HTR1D: variants seen among roughly 807,000 people sequenced by gnomAD.
The protein encoded by HTR1D is 5-HT-1D.
Under a neutral mutation model 21.1 loss-of-function variants are expected in HTR1D, and 18 were observed. The ratio of observed to expected loss-of-function variants is 0.85; its 90% confidence interval spans 0.59 to 1.27. The LOEUF (loss-of-function observed/expected upper bound fraction) is 1.27. HTR1D is among the 50% of genes most tolerant of loss of function. The pLI, the probability that HTR1D is intolerant of heterozygous loss-of-function variation, is 0.00. For synonymous variants in HTR1D, 196 were observed against 204.4 expected (o/e 0.96, Z 0.35); for missense variants, 456 against 481.4 (o/e 0.95, Z 0.49).
chr1:23,206,104 C>T (rs1354859862), intron 1 of HTR1D, among the ~76,000 whole-genome samples: 2 of 151,694 alleles, frequency 1.3e-5, no homozygotes, highest in African/African-American at 2.4e-5. Context: ...TGCAGTGGTG[C>T]GATCTCGGCT....
chr1:23,207,280 G>C (rs559600381), intron 1 of HTR1D, among the ~76,000 whole-genome samples: 1 of 152,042 alleles, frequency 6.6e-6, no homozygotes, highest in Non-Finnish European at 1.5e-5. Context: ...GTGGTGGTAC[G>C]TGCCTGTAGT....
At position 23,193,134 on chromosome 1, in the gene HTR1D, C is replaced by T. The variant is rs56041111; in HGVS notation, c.1086G>A (p.Glu362=). The part of the protein sequence containing the change: ...NPIIYTVFNE[E]FRQAFQKIVP... ...CAATTTTCTGAAAAGCTTGCCGAAA[C>T]TCTTCATTAAACACAGTGTAGATTA... The change falls in exon 2 of 2, where the codon GAG becomes GAA. Residue 362 remains glutamate (E), a synonymous_variant. Transcript: ENST00000374619. 4,240 of 1,611,898 alleles carry T rather than the reference C, an allele frequency of 2.6e-3. 9 individuals carry two copies. Among genetic ancestry groups the T allele is most frequent in the Non-Finnish European group, 3.4e-3 (4,040 of 1,179,294 alleles).
At chr1:23,196,777 G>A (rs767675629) in intron 1 of HTR1D, among the ~76,000 whole-genome samples, 1 of 152,074 alleles carries the variant, frequency 6.6e-6, no homozygotes, top group Non-Finnish European at 1.5e-5. Context: ...CCTGCCCAAG[G>A]CCACCTGGCT....
At chr1:23,204,072 C>T (rs189837762) in intron 1 of HTR1D, among the ~76,000 whole-genome samples, 6 of 152,258 alleles carry the variant, frequency 3.9e-5, no homozygotes, top group East Asian at 1.9e-4. Context: ...GTGAGGCCTC[C>T]GCAGCCATGT....
chr1:23,196,437 T>C (rs1375744076), intron 1 of HTR1D, among the ~76,000 whole-genome samples: 2 of 139,464 alleles, frequency 1.4e-5, no homozygotes, highest in African/African-American at 5.4e-5. Flanking sequence ...AGAGTGAAAC[T>C]CTGCCAAAAA....
At chr1:23,195,570 C>A (rs922078890) in intron 1 of HTR1D, among the ~76,000 whole-genome samples, 1 of 152,132 alleles carries the variant, frequency 6.6e-6, no homozygotes, top group African/African-American at 2.4e-5. Context: ...TCCCAAGTAG[C>A]TGGGACTACA....
chr1:23,214,377 A>C (rs1480340135), intron 1 of HTR1D, among the ~76,000 whole-genome samples: 1 of 152,212 alleles, frequency 6.6e-6, no homozygotes, highest in East Asian at 1.9e-4. Flanking sequence ...CAGTGAGCCC[A>C]GAGTGCACTG....
chr1:23,213,384 G>A (rs12088980), intron 1 of HTR1D, among the ~76,000 whole-genome samples: 7,925 of 152,240 alleles, frequency 0.052, 711 homozygotes, highest in African/African-American at 0.18. Flanking sequence ...GGAGGCTGAG[G>A]CAGGAGAATC....
intron 1 of HTR1D, among the ~76,000 whole-genome samples, chr1:23,208,570 T>A (rs1569765266): frequency 7.5e-6 from 1 of 133,960 alleles, no homozygotes; most frequent in African/African-American, 2.8e-5. Context: ...AAACCCCATC[T>A]CAAAAGAAAA....
chr1:23,207,852 A>G (rs540003494), intron 1 of HTR1D, among the ~76,000 whole-genome samples: 1 of 139,936 alleles, frequency 7.1e-6, no homozygotes, highest in East Asian at 2.3e-4. Flanking sequence ...ACCTCCGCCC[A>G]CCAGGGTCAA....
chr1:23,209,954 C>G (rs1172314361), intron 1 of HTR1D, among the ~76,000 whole-genome samples: 3 of 152,188 alleles, frequency 2.0e-5, no homozygotes, highest in Non-Finnish European at 4.4e-5. Flanking sequence ...CTGGTGACGG[C>G]AGCTTGGCAC....
chr1:23,212,778 G>A (rs1644758675), intron 1 of HTR1D, among the ~76,000 whole-genome samples: 1 of 150,800 alleles, frequency 6.6e-6, no homozygotes, highest in African/African-American at 2.4e-5. Flanking sequence ...TCCCACAGGG[G>A]CTCCAAACTC....
intron 1 of HTR1D, among the ~76,000 whole-genome samples, chr1:23,196,029 C>T (rs664301): frequency 0.35 from 53,378 of 151,654 alleles, 9,898 homozygotes; most frequent in African/African-American, 0.47. Flanking sequence ...TTCACAGAGG[C>T]AGGGTCTTGC....
chr1:23,201,381 T>C (rs945413901), intron 1 of HTR1D, among the ~76,000 whole-genome samples: 6 of 152,036 alleles, frequency 3.9e-5, no homozygotes, highest in Non-Finnish European at 7.4e-5. Context: ...GAGAGGAGAA[T>C]GAAGGAGGCT....
chr1:23,201,254 C>G (rs769848272), intron 1 of HTR1D, among the ~76,000 whole-genome samples: 3 of 151,984 alleles, frequency 2.0e-5, no homozygotes, highest in Non-Finnish European at 4.4e-5. Flanking sequence ...TTTACCAAAG[C>G]CAAGGAAGGT....
intron 1 of HTR1D, among the ~76,000 whole-genome samples, chr1:23,195,639 A>G (rs1034752319): frequency 1.3e-5 from 2 of 152,082 alleles, no homozygotes; most frequent in African/African-American, 4.8e-5. Flanking sequence ...GGGTTTCACC[A>G]TGTTGGCCAG....
At chr1:23,200,092 T>C (rs562056650) in intron 1 of HTR1D, among the ~76,000 whole-genome samples, 2 of 152,312 alleles carry the variant, frequency 1.3e-5, no homozygotes, top group South Asian at 4.1e-4. Flanking sequence ...TTAATACCTA[T>C]TGATAATTTT....
intron 1 of HTR1D, among the ~76,000 whole-genome samples, chr1:23,206,611 C>T (rs1216180324): frequency 6.6e-6 from 1 of 152,170 alleles, no homozygotes; most frequent in East Asian, 1.9e-4. Flanking sequence ...GCTGTGTCCT[C>T]TGACTGGAAA....
In HTR1D at chr1:23,193,008, A is replaced by G; in HGVS notation, c.*78T>C. 1 of 887,748 alleles carries G rather than the reference A, an allele frequency of 1.1e-6. No individual in the cohort carries two copies. The highest frequency in any genetic ancestry group is 1.6e-6 in the Non-Finnish European group (1 of 614,390). 55.0% of individuals were successfully genotyped at this position (887,748 alleles called of 1,614,324 possible). On this transcript the variant is annotated 3_prime_UTR_variant, in exon 2 of 2. Coordinates refer to ENST00000374619, the MANE Select transcript of HTR1D (RefSeq NM_000864.5). ...ACCATGAATTAATCCAAGTCTCAGA[A>G]AATAATTAAAAAAAAAAAAGACAAT...
Sources: allele counts gnomAD v4.1 joint callset (sites outside exome capture counted in the v4.1 genomes callset), GRCh38; gene constraint gnomAD v4.1.1; transcripts MANE v1.5; gene names NCBI Gene and HGNC (gene_info 2026-07-23, HGNC 2026-07-21).